The following PCM1 variants were observed in gnomAD, a reference collection of about 807,000 sequenced individuals.
PCM1 encodes the protein pericentriolar material 1.
Under a neutral mutation model 241.9 loss-of-function variants are expected in PCM1, and 157 were observed. That is an observed-to-expected ratio of 0.65 (90% CI 0.57 to 0.74). PCM1 has a LOEUF of 0.74. Ranked by LOEUF, PCM1 falls within the 30% of genes least tolerant of loss-of-function variation. The pLI is 0.00. For synonymous variants in PCM1, 1,085 were observed against 784.9 expected, an observed-to-expected ratio of 1.38 and a Z score of -6.39; for missense variants, 3,478 against 2,360.1, an observed-to-expected ratio of 1.47 and a Z score of -9.81.
chr8:17,975,349 G>C (rs367575306), intron 23 of PCM1, among the ~76,000 whole-genome samples: 5 of 152,162 alleles, frequency 3.3e-5, no homozygotes, highest in South Asian at 4.1e-4. Context: ...TTTTAGTAGA[G>C]ACGGGGTTTC....
intron 24 of PCM1, chr8:17,983,357 T>G (rs2081572000): frequency 1.1e-6 from 1 of 896,962 alleles, no homozygotes; most frequent in Non-Finnish European, 1.6e-6. Context: ...AAAGGTTTTA[T>G]TGTCCTGATT....
At chr8:17,978,354 T>C (rs912440845) in intron 23 of PCM1, among the ~76,000 whole-genome samples, 20 of 151,824 alleles carry the variant, frequency 1.3e-4, no homozygotes, top group Non-Finnish European at 2.2e-4. Context: ...AGACTGCAGA[T>C]CAGAACAGCT....
At chr8:18,017,442 G>C (rs896261096) in intron 36 of PCM1, among the ~76,000 whole-genome samples, 1 of 152,038 alleles carries the variant, frequency 6.6e-6, no homozygotes, top group East Asian at 1.9e-4. Flanking sequence ...GAGAACATTA[G>C]AACTAGAAAA....
At chr8:17,977,216 T>C (rs1354372975) in intron 23 of PCM1, among the ~76,000 whole-genome samples, 1 of 152,198 alleles carries the variant, frequency 6.6e-6, no homozygotes, top group Non-Finnish European at 1.5e-5. Context: ...TTGGCACTCA[T>C]ACTCTTTATT....
At chr8:17,967,394 C>T (rs939202867) in intron 21 of PCM1, among the ~76,000 whole-genome samples, 1 of 151,960 alleles carries the variant, frequency 6.6e-6, no homozygotes, top group African/African-American at 2.4e-5. Context: ...CGGCAGCCTC[C>T]ACCTCCCAGG....
chr8:18,011,938 A>T, intron 34 of PCM1, 111 bp downstream of exon 34: 1 of 963,836 alleles, frequency 1.0e-6, no homozygotes, highest in Non-Finnish European at 1.6e-6. Flanking sequence ...TTCAGGTTTC[A>T]TGAATGCAAG....
chr8:18,011,931 AGGTT>A, intron 34 of PCM1, 104 bp downstream of exon 34: 1 of 1,038,734 alleles, frequency 9.6e-7, no homozygotes, highest in Non-Finnish European at 1.4e-6. Context: ...CTAAATATTC[AGGTT>A]TCATGAATGC....
rs1365884978 is a variant in PCM1, at chr8:17,991,542, G to T, written c.4532G>T (p.Gly1511Val). 1.3e-6 allele frequency: 2 copies of T among 1,594,300 alleles called. No homozygotes were observed. The highest frequency in any genetic ancestry group is 8.6e-7 in the Non-Finnish European group (1 of 1,169,292). ...NFEPFATDDL[G>V]NTVIHLDQAL... ...AAAAATATTTTTGTTCCAAATGTAG[G>T]TAACACCGTGATTCACTTAGATCAA... The change falls in exon 28 of 39, where the codon GGT becomes GTT. Residue 1511 changes from glycine to valine, a missense_variant and splice_region_variant. Gly to Val is a moderately radical substitution (Grantham distance 109). Coordinates refer to ENST00000325083, the MANE Select transcript of PCM1 (RefSeq NM_006197.4).
At chr8:17,958,975 G>A (rs537945089) in intron 13 of PCM1, among the ~76,000 whole-genome samples, 1 of 152,172 alleles carries the variant, frequency 6.6e-6, no homozygotes, top group Admixed American at 6.5e-5. Context: ...ACCCACCTTG[G>A]CTTCCCAAAG....
At chr8:17,933,677 G>A (rs773637888) in intron 2 of PCM1, among the ~76,000 whole-genome samples, 1 of 152,054 alleles carries the variant, frequency 6.6e-6, no homozygotes, top group Non-Finnish European at 1.5e-5. Flanking sequence ...ATTATAAGTA[G>A]CATCGTTTAA....
In PCM1 at chr8:17,989,718, T is replaced by G. The variant is rs937226961; in HGVS notation, c.4411-141T>G. On this transcript the variant is annotated intron_variant, in intron 26 of 38. Transcript: ENST00000325083. Reference sequence around the variant, plus strand: ...AATAACTTTGGTTATATTATCATCTTGTTTGGACAGAATACTGAGGAAACT... The same window carrying G: ...AATAACTTTGGTTATATTATCATCTGGTTTGGACAGAATACTGAGGAAACT... 8 of 591,088 alleles carry G rather than the reference T, an allele frequency of 1.4e-5. No individual in the cohort carries two copies. The African/African-American group carries it at 1.5e-4, about 11-fold the overall frequency. The allele number at this position is 591,088 out of a possible 1,614,324, so 36.6% of individuals were successfully genotyped here.
intron 38 of PCM1, among the ~76,000 whole-genome samples, chr8:18,026,017 AG>A (rs2094166580): frequency 6.6e-6 from 1 of 151,346 alleles, no homozygotes; most frequent in African/African-American, 2.4e-5. Flanking sequence ...ACAAAAAATC[AG>A]CCAAGCGCGG....
intron 23 of PCM1, among the ~76,000 whole-genome samples, chr8:17,978,903 C>G (rs1002986740): frequency 1.3e-5 from 2 of 152,130 alleles, no homozygotes; most frequent in African/African-American, 4.8e-5. Context: ...ACCAGGAAAT[C>G]TGTCAACATA....
intron 6 of PCM1, among the ~76,000 whole-genome samples, chr8:17,944,229 C>G (rs1324916521): frequency 6.6e-6 from 1 of 152,152 alleles, no homozygotes; most frequent in Non-Finnish European, 1.5e-5. Flanking sequence ...ATGTCTTATA[C>G]TTCTGTATTT....
At chr8:17,982,693 A>C (rs1287726947) in intron 24 of PCM1, 1 of 152,160 alleles carries the variant, frequency 6.6e-6, no homozygotes, top group Admixed American at 6.6e-5. Context: ...ACAGGGTTTC[A>C]CTGTGTTAGC....
chr8:17,961,425 C>G (rs1023681002), intron 15 of PCM1, among the ~76,000 whole-genome samples: 4 of 150,688 alleles, frequency 2.7e-5, no homozygotes, highest in African/African-American at 9.8e-5. Flanking sequence ...ATTCTCCTGC[C>G]TCAGCCTCCC....
At chr8:18,004,049 T>C (rs1351297772) in intron 29 of PCM1, among the ~76,000 whole-genome samples, 2 of 150,752 alleles carry the variant, frequency 1.3e-5, no homozygotes, top group Non-Finnish European at 3.0e-5. Flanking sequence ...TTATAAGGGT[T>C]AAAAAAAAAG....
chr8:17,933,994 A>T (rs2299585), intron 2 of PCM1, among the ~76,000 whole-genome samples: 21,344 of 152,050 alleles, frequency 0.14, 1,746 homozygotes, highest in East Asian at 0.4. Flanking sequence ...GGAAGGGTCA[A>T]TGTATTTGTG....
At chr8:17,981,073 T>C (rs778365518) in intron 24 of PCM1, among the ~76,000 whole-genome samples, 9 of 152,224 alleles carry the variant, frequency 5.9e-5, no homozygotes, top group Non-Finnish European at 1.0e-4. Flanking sequence ...CCTGCTTCAA[T>C]CCTTTGGCTT....
Sources: allele counts gnomAD v4.1 joint callset (sites outside exome capture counted in the v4.1 genomes callset), GRCh38; gene constraint gnomAD v4.1.1; transcripts MANE v1.5; gene names NCBI Gene and HGNC (gene_info 2026-07-23, HGNC 2026-07-21).